CREG2: variants seen among roughly 807,000 people sequenced by gnomAD.
CREG2 encodes the protein cellular repressor of E1A stimulated genes 2.
In CREG2, 24 loss-of-function variants were observed where a neutral mutation model predicts 26.2. The observed-to-expected ratio is 0.92, with a 90% CI of 0.66 to 1.29. The LOEUF (loss-of-function observed/expected upper bound fraction) is 1.29, where lower values mean the gene tolerates loss of function less well. CREG2 is among the 50% of genes most tolerant of loss of function. The pLI is 0.00. For missense variants in CREG2, 366 were observed against 398.6 expected (o/e 0.92, Z 0.70); for synonymous variants, 174 against 169.2 (o/e 1.03, Z -0.22).
At chr2:101,365,040 T>C (rs905790236) in intron 2 of CREG2, among the ~76,000 whole-genome samples, 9 of 152,184 alleles carry the variant, frequency 5.9e-5, no homozygotes. Context: ...CTAGCAAATC[T>C]GGAGTGTGGG....
intron 3 of CREG2, among the ~76,000 whole-genome samples, chr2:101,352,576 G>A (rs560711247): frequency 3.1e-4 from 47 of 152,332 alleles, no homozygotes; most frequent in African/African-American, 1.1e-3. Context: ...GAGAGACTGA[G>A]GCGGGAGGAT....
At chr2:101,368,586 T>C (rs1684654151) in intron 2 of CREG2, among the ~76,000 whole-genome samples, 1 of 152,118 alleles carries the variant, frequency 6.6e-6, no homozygotes, top group East Asian at 1.9e-4. Context: ...AGTGATTTCA[T>C]CACCTGCTAT....
At chr2:101,378,930 T>TG (rs1272234612) in intron 2 of CREG2, among the ~76,000 whole-genome samples, 1 of 151,310 alleles carries the variant, frequency 6.6e-6, no homozygotes, top group Non-Finnish European at 1.5e-5. Context: ...CGCTTGAACC[T>TG]GGGCAGCAGA....
intron 1 of CREG2, among the ~76,000 whole-genome samples, chr2:101,384,412 C>A (rs1461900964): frequency 6.6e-6 from 1 of 152,182 alleles, no homozygotes; most frequent in Non-Finnish European, 1.5e-5. Flanking sequence ...GGATATCCAT[C>A]CCTCCAAATC....
chr2:101,365,565 AG>A (rs1684607893), intron 2 of CREG2, among the ~76,000 whole-genome samples: 2 of 152,130 alleles, frequency 1.3e-5, no homozygotes, highest in East Asian at 3.9e-4. Context: ...GCACAGAAAA[AG>A]CTTGTCTATT....
chr2:101,386,455 A>G (rs1684967915), intron 1 of CREG2, among the ~76,000 whole-genome samples: 1 of 152,258 alleles, frequency 6.6e-6, no homozygotes, highest in Non-Finnish European at 1.5e-5. Context: ...TTAAAAGTGC[A>G]GCGAATAGCT....
chr2:101,374,378 C>CAAA (rs1434443272), intron 2 of CREG2, among the ~76,000 whole-genome samples: 8 of 152,126 alleles, frequency 5.3e-5, no homozygotes, highest in Non-Finnish European at 1.2e-4. Flanking sequence ...CTGTCTCAAA[C>CAAA]AACAACAACA....
At position 101,350,308 on chromosome 2, in the gene CREG2, A is replaced by C. The variant is rs1684359090; in HGVS notation, c.*615T>G. On this transcript the variant is annotated 3_prime_UTR_variant, in exon 4 of 4. Transcript: ENST00000324768. ...GCTTACATAGAGAAGGGCTATGCAC[A>C]AAGCACCCTATGTTCTTACACTGTT... 6.6e-6 allele frequency: 1 copy of C among 152,310 alleles called. No individual in the cohort carries two copies. Among genetic ancestry groups the C allele is most frequent in the African/African-American group, 2.4e-5 (1 of 41,472 alleles). 9.4% of individuals were successfully genotyped at this position (152,310 alleles called of 1,614,324 possible).
chr2:101,385,503 G>A (rs74263229), intron 1 of CREG2, among the ~76,000 whole-genome samples: 3,132 of 152,198 alleles, frequency 0.021, 147 homozygotes, highest in Admixed American at 0.1. Flanking sequence ...TAGTGCTGAG[G>A]TTTTCCCAAA....
chr2:101,384,681 C>G (rs1006202541), intron 1 of CREG2, among the ~76,000 whole-genome samples: 1 of 152,118 alleles, frequency 6.6e-6, no homozygotes, highest in African/African-American at 2.4e-5. Context: ...GATAGCGAGA[C>G]CCCCATCCCT....
At position 101,371,715 on chromosome 2, in the gene CREG2, C is replaced by T. The variant is rs1020978747; in HGVS notation, c.611+11818G>A. ...AGCCCCAGCTGGCCTTAGCTCTCCC[C>T]GTGCTGCAGAGACCTCAAGGACAAA... On this transcript the variant is annotated intron_variant, in intron 2 of 3. Coordinates refer to ENST00000324768, the MANE Select transcript of CREG2 (RefSeq NM_153836.4). Among the ~76,000 whole-genome samples the T allele has an allele frequency of 5.3e-5, 8 of 152,274 alleles. No homozygotes were observed. The East Asian group carries it at 1.4e-3, about 26-fold the overall frequency.
chr2:101,351,830 G>A (rs891369559), intron 3 of CREG2, among the ~76,000 whole-genome samples: 2 of 152,046 alleles, frequency 1.3e-5, no homozygotes, highest in Non-Finnish European at 2.9e-5. Context: ...AGTCCAAACT[G>A]GGAAAAACAT....
rs983713218 is a variant in CREG2 at position 101,354,089 on chromosome 2, A to G, written c.725+1164T>C. ...ATGTATACCTATGTAACAAACCTGC[A>G]TGTTCTGCACACGTATCCCAGAACT... On this transcript the variant is annotated intron_variant, in intron 3 of 3. Coordinates refer to ENST00000324768, the MANE Select transcript of CREG2 (RefSeq NM_153836.4). 3.9e-5 allele frequency among the ~76,000 whole-genome samples: 6 copies of G among 152,266 alleles called. No individual in the cohort carries two copies. In the East Asian group the frequency reaches 7.7e-4, roughly 20 times the overall value.
intron 2 of CREG2, among the ~76,000 whole-genome samples, chr2:101,374,400 T>TC (rs1190273764): frequency 6.6e-6 from 1 of 152,074 alleles, no homozygotes; most frequent in Non-Finnish European, 1.5e-5. Flanking sequence ...CAAAAATGAC[T>TC]CAGGTTAATG....
intron 1 of CREG2, 103 bp from the exon 2 acceptor site, chr2:101,383,805 A>AG (rs944709538): frequency 2.0e-4 from 221 of 1,094,244 alleles, no homozygotes; most frequent in Non-Finnish European, 2.6e-4. Context: ...ACCAGGGATG[A>AG]GGGGGGATCA....
At chr2:101,351,281 A>G (rs1473792376) in intron 3 of CREG2, among the ~76,000 whole-genome samples, 2 of 152,180 alleles carry the variant, frequency 1.3e-5, no homozygotes, top group Non-Finnish European at 2.9e-5. Flanking sequence ...CTAGAGGCTC[A>G]AGACGTGGGC....
Position 101,372,019 on chromosome 2 carries a change from A to AGGTTGGGCAGGAGCTTGAAGGCCG in CREG2, c.611+11513_611+11514insCGGCCTTCAAGCTCCTGCCCAACC, listed in dbSNP as rs1558818823. 3.7e-3 allele frequency among the ~76,000 whole-genome samples: 570 copies of AGGTTGGGCAGGAGCTTGAAGGCCG among 152,264 alleles called. 4 individuals are homozygous for AGGTTGGGCAGGAGCTTGAAGGCCG. The highest frequency in any genetic ancestry group is 0.012 in the African/African-American group (493 of 41,542). ...GCTTAGTGTCTTATTTTTGAAGGCCAGGTCAGGTTGGGCAGGAGCTGGAGA... is the reference window on the plus strand; with the variant it reads ...GCTTAGTGTCTTATTTTTGAAGGCCAGGTTGGGCAGGAGCTTGAAGGCCGGGTCAGGTTGGGCAGGAGCTGGAGA... On this transcript the variant is annotated intron_variant, in intron 2 of 3. Coordinates refer to ENST00000324768, the MANE Select transcript of CREG2 (RefSeq NM_153836.4).
At chr2:101,358,436 A>C (rs1684493127) in intron 2 of CREG2, among the ~76,000 whole-genome samples, 1 of 152,196 alleles carries the variant, frequency 6.6e-6, no homozygotes, top group Admixed American at 6.5e-5. Flanking sequence ...ATTTTCTCAA[A>C]AGCTTGCCTT....
In CREG2 at chr2:101,383,722, G is replaced by A. The variant is rs370080358; in HGVS notation, c.442-20C>T. 5 of 1,577,830 alleles carry A rather than the reference G, an allele frequency of 3.2e-6. No individual in the cohort carries two copies. In the Admixed American group the frequency reaches 7.3e-5, roughly 23 times the overall value. On this transcript the variant is annotated intron_variant, in intron 1 of 3. Transcript: ENST00000324768. ...TTGGATCTAACAAACACCAAAAAAG[G>A]CTTTTTCAGTGCAGAGCTGTGGCTC... is the stretch of plus-strand genomic sequence containing the variant.
Sources: gnomAD v4.1 joint callset for allele counts (sites outside exome capture counted in the v4.1 genomes callset) on GRCh38, gnomAD v4.1.1 for gene constraint, MANE v1.5 for transcripts, NCBI Gene and HGNC (gene_info 2026-07-23, HGNC 2026-07-21) for gene names.